PRDM5: variants seen among roughly 807,000 people sequenced by gnomAD.
The protein encoded by PRDM5 is PR/SET domain 5, also known as PR domain zinc finger protein 5.
In PRDM5, 56 loss-of-function variants were observed where a neutral mutation model predicts 81.2. The observed-to-expected ratio is 0.69, with a 90% confidence interval of 0.56 to 0.86. The LOEUF is 0.86. Ranked by LOEUF, PRDM5 falls within the 40% of genes least tolerant of loss-of-function variation. The pLI is 0.00. For missense variants in PRDM5, 697 were observed against 770.1 expected, an observed-to-expected ratio of 0.91 and a Z score of 1.12; for synonymous variants, 267 against 256.4, an observed-to-expected ratio of 1.04 and a Z score of -0.39.
intron 13 of PRDM5, among the ~76,000 whole-genome samples, chr4:120,764,470 A>G (rs1746089679): frequency 6.6e-6 from 1 of 152,186 alleles, no homozygotes; most frequent in South Asian, 2.1e-4. Context: ...TTTTTGAAGA[A>G]AGAAAAAATA....
chr4:120,890,451 C>G lies in PRDM5; in HGVS notation c.177+17023G>C, dbSNP rs144399692. On this transcript the variant is annotated intron_variant, in intron 2 of 15. Coordinates refer to ENST00000264808, the MANE Select transcript of PRDM5 (RefSeq NM_018699.4). The stretch of plus-strand genomic sequence containing the variant: ...ACATGATTTGGGTAGGAACGTATAT[C>G]TAAACCATATCAATTTCTTTGGGTA... 8.9e-3 allele frequency among the ~76,000 whole-genome samples: 1,355 copies of G among 152,280 alleles called. 106 individuals carry two copies. The highest frequency in any genetic ancestry group is 0.082 in the Admixed American group (1,257 of 15,290).
chr4:120,838,251 A>G (rs986691375), intron 3 of PRDM5: 10 of 152,150 alleles, frequency 6.6e-5, no homozygotes, highest in African/African-American at 2.4e-4. Flanking sequence ...TCCTTTCCTC[A>G]AGCTGTCTTT....
chr4:120,840,236 G>T (rs913058454), intron 3 of PRDM5, among the ~76,000 whole-genome samples: 1 of 152,200 alleles, frequency 6.6e-6, no homozygotes, highest in African/African-American at 2.4e-5. Flanking sequence ...AGCATTTGGG[G>T]TAAGAGTGAC....
intron 8 of PRDM5, among the ~76,000 whole-genome samples, chr4:120,807,271 C>G (rs186485392): frequency 6.6e-6 from 1 of 152,216 alleles, no homozygotes; most frequent in Non-Finnish European, 1.5e-5. Flanking sequence ...ATTAGTTCAA[C>G]CATTGTGGAA....
intron 13 of PRDM5, 72 bp from the exon 14 acceptor site, chr4:120,754,710 A>C (rs2149154666): frequency 1.0e-4 from 111 of 1,062,604 alleles, no homozygotes; most frequent in Non-Finnish European, 1.5e-4. Flanking sequence ...ATCACTTCTC[A>C]CACACTCAGA....
At chr4:120,781,016 C>A (rs1748957363) in intron 12 of PRDM5, 127 bp downstream of exon 12, 2 of 846,546 alleles carry the variant, frequency 2.4e-6, no homozygotes, top group Admixed American at 5.2e-5. Flanking sequence ...TGATATAAAT[C>A]ATGCATTTGT....
At chr4:120,863,502 T>C (rs999550877) in intron 2 of PRDM5, among the ~76,000 whole-genome samples, 5 of 151,974 alleles carry the variant, frequency 3.3e-5, no homozygotes, top group African/African-American at 9.7e-5. Flanking sequence ...GGGATACAAA[T>C]TTGCAAATAG....
At chr4:120,852,549 G>T (rs1759388954) in intron 3 of PRDM5, among the ~76,000 whole-genome samples, 1 of 151,882 alleles carries the variant, frequency 6.6e-6, no homozygotes, top group South Asian at 2.1e-4. Flanking sequence ...AGCTCTTCCT[G>T]GTTCTATAGC....
intron 7 of PRDM5, among the ~76,000 whole-genome samples, chr4:120,811,933 T>C (rs556253087): frequency 6.6e-5 from 10 of 152,260 alleles, no homozygotes; most frequent in African/African-American, 1.9e-4. Flanking sequence ...ATGTTGACTA[T>C]AGTCACCCTG....
At chr4:120,862,772 G>A (rs1034607925) in intron 2 of PRDM5, among the ~76,000 whole-genome samples, 1 of 152,126 alleles carries the variant, frequency 6.6e-6, no homozygotes, top group Non-Finnish European at 1.5e-5. Context: ...GCATCTATGA[G>A]TTTCTAATAA....
At chr4:120,711,466 T>C (rs1736973471) in intron 14 of PRDM5, among the ~76,000 whole-genome samples, 1 of 460 alleles carries the variant, frequency 2.2e-3, no homozygotes, top group South Asian at 0.25. Flanking sequence ...ACCCAGCTAT[T>C]TTTTTTTTTT....
intron 2 of PRDM5, among the ~76,000 whole-genome samples, chr4:120,855,034 C>A (rs1006807575): frequency 1.3e-5 from 2 of 151,994 alleles, no homozygotes; most frequent in Non-Finnish European, 1.5e-5. Context: ...ATGCGGGGAC[C>A]AACAGACCAG....
intron 13 of PRDM5, among the ~76,000 whole-genome samples, chr4:120,767,271 T>G (rs1307960757): frequency 6.6e-6 from 1 of 152,082 alleles, no homozygotes; most frequent in Non-Finnish European, 1.5e-5. Flanking sequence ...AACACTTGTT[T>G]TAAAAAAAAA....
intron 2 of PRDM5, among the ~76,000 whole-genome samples, chr4:120,877,084 A>T (rs77580541): frequency 1.1e-3 from 161 of 152,344 alleles, no homozygotes; most frequent in African/African-American, 3.6e-3. Flanking sequence ...GAGAAGGATA[A>T]AGACTAACTT....
intron 1 of PRDM5, among the ~76,000 whole-genome samples, chr4:120,918,166 A>C (rs1203388270): frequency 6.6e-6 from 1 of 152,252 alleles, no homozygotes; most frequent in Non-Finnish European, 1.5e-5. Context: ...AGTTTGGAGA[A>C]AATGTTAGAG....
chr4:120,812,613 A>G (rs1203975693), intron 7 of PRDM5: 1 of 158,526 alleles, frequency 6.3e-6, no homozygotes, highest in East Asian at 1.9e-4. Context: ...TGTTTTCATT[A>G]GATTATTTGA....
At chr4:120,710,735 CT>C (rs1736839898) in intron 14 of PRDM5, among the ~76,000 whole-genome samples, 1 of 152,062 alleles carries the variant, frequency 6.6e-6, no homozygotes, top group Admixed American at 6.6e-5. Context: ...ATGCTTCTCT[CT>C]CCTGCCGCCA....
At chr4:120,861,851 T>C (rs1021083329) in intron 2 of PRDM5, among the ~76,000 whole-genome samples, 1 of 151,628 alleles carries the variant, frequency 6.6e-6, no homozygotes, top group East Asian at 1.9e-4. Flanking sequence ...ATCTGAAAAC[T>C]TCTGTGCAAA....
intron 13 of PRDM5, among the ~76,000 whole-genome samples, chr4:120,758,432 C>T (rs1745100364): frequency 6.6e-6 from 1 of 152,118 alleles, no homozygotes; most frequent in Non-Finnish European, 1.5e-5. Flanking sequence ...TGGGTTGTTG[C>T]AAACGTTACT....
Sources: allele counts gnomAD v4.1 joint callset (sites outside exome capture counted in the v4.1 genomes callset), GRCh38; gene constraint gnomAD v4.1.1; transcripts MANE v1.5; gene names NCBI Gene and HGNC (gene_info 2026-07-23, HGNC 2026-07-21).